Variants in DNAJC7 observed in about 807,000 individuals in gnomAD.
The protein encoded by DNAJC7 is DnaJ heat shock protein family (Hsp40) member C7, also known as dnaJ homolog subfamily C member 7.
Under a neutral mutation model 67.4 loss-of-function variants are expected in DNAJC7, and 18 were observed. The observed-to-expected ratio is 0.27, with a 90% CI of 0.18 to 0.40. The LOEUF (loss-of-function observed/expected upper bound fraction) is 0.40. Ranked by LOEUF, DNAJC7 falls within the 10% of genes least tolerant of loss-of-function variation. The pLI is 1.00. For missense variants in DNAJC7, 419 were observed against 613.8 expected (o/e 0.68, Z 3.35); for synonymous variants, 220 against 207.8 (o/e 1.06, Z -0.50).
intron 7 of DNAJC7, 35 bp from the exon 8 acceptor site, chr17:41,988,931 T>A (rs1362703169): frequency 6.2e-7 from 1 of 1,609,926 alleles, no homozygotes; most frequent in African/African-American, 1.3e-5. Context: ...TCGGTTCATA[T>A]CCACAAAGCC....
In DNAJC7 at chr17:41,996,218, G is replaced by T. The variant is rs1175665910; in HGVS notation, c.405+93C>A. On this transcript the variant is annotated intron_variant, in intron 4 of 13. Transcript: ENST00000457167. The stretch of plus-strand genomic sequence containing the variant: ...TCACCCAGGTGTGCTGATGGCAGAA[G>T]TGAGACTAGACCTCAGTTCCGACTT... 14 of 1,250,348 alleles carry T rather than the reference G, an allele frequency of 1.1e-5. No homozygotes were observed. The African/African-American group carries it at 2.1e-4, about 19-fold the overall frequency. 77.5% of individuals were successfully genotyped at this position (1,250,348 alleles called of 1,614,324 possible). A position where few individuals can be genotyped will look rare whatever the true frequency, so the allele number is the denominator to read the frequency against.
chr17:42,008,294 A>T (rs532983292), intron 1 of DNAJC7, among the ~76,000 whole-genome samples: 138 of 150,420 alleles, frequency 9.2e-4, no homozygotes, highest in African/African-American at 3.2e-3. Flanking sequence ...CCTGGGCAAG[A>T]GTGAGACTCC....
intron 1 of DNAJC7, chr17:42,011,759 TAGA>T (rs1383372982): frequency 6.6e-6 from 1 of 152,152 alleles, no homozygotes; most frequent in Non-Finnish European, 1.5e-5. Context: ...AGAGGAAGAT[TAGA>T]AGGACACATT....
chr17:41,983,972 T>A (rs1169592819), intron 9 of DNAJC7, among the ~76,000 whole-genome samples: 1 of 152,210 alleles, frequency 6.6e-6, no homozygotes, highest in South Asian at 2.1e-4. Flanking sequence ...ATCTACTTGA[T>A]TACTTTGGGT....
At chr17:41,997,580 G>C (rs2051695485) in intron 2 of DNAJC7, among the ~76,000 whole-genome samples, 1 of 152,182 alleles carries the variant, frequency 6.6e-6, no homozygotes, top group South Asian at 2.1e-4. Flanking sequence ...CTGGGCGACA[G>C]AGGAAGACCC....
At position 42,017,347 on chromosome 17, in the gene DNAJC7, C is replaced by G. The variant is rs782295893; in HGVS notation, c.70G>C (p.Ala24Pro). ...TEPELLDDQE[A>P]KREAETFKEQ... Reference sequence around the variant, plus strand: ...ACCCTGCTACCCGGTTACCTCTTCGCCTCTTGGTCGTCGAGCAGCTCCGGC... The same window carrying G: ...ACCCTGCTACCCGGTTACCTCTTCGGCTCTTGGTCGTCGAGCAGCTCCGGC... Residue 24 changes from alanine (A) to proline (P), a missense_variant, in exon 1 of 14, where the codon GCG (alanine) becomes CCG (proline). Physicochemically the swap from Ala to Pro is conservative, Grantham distance 27. Coordinates refer to ENST00000457167, the MANE Select transcript of DNAJC7 (RefSeq NM_003315.4). 6.2e-7 allele frequency: 1 copy of G among 1,611,862 alleles called. No homozygotes were observed. Among genetic ancestry groups the G allele is most frequent in the South Asian group, 1.1e-5 (1 of 91,092 alleles).
chr17:42,017,292 G>A (rs1555652099), intron 1 of DNAJC7, 48 bp downstream of exon 1: 4 of 1,608,596 alleles, frequency 2.5e-6, no homozygotes, highest in East Asian at 2.2e-5. Context: ...GTTTCCCTGA[G>A]CCACGGAGCT....
At chr17:41,978,698 AAAAAAT>A (rs1233369647) in intron 12 of DNAJC7, among the ~76,000 whole-genome samples, 2 of 152,086 alleles carry the variant, frequency 1.3e-5, no homozygotes, top group East Asian at 1.9e-4. Context: ...TCTCTACTAA[AAAAAAT>A]AAAAATAAAA....
At chr17:42,009,159 C>T (rs1555650765) in intron 1 of DNAJC7, among the ~76,000 whole-genome samples, 2 of 152,218 alleles carry the variant, frequency 1.3e-5, no homozygotes, top group African/African-American at 4.8e-5. Flanking sequence ...CAATTTCCTA[C>T]AGAATAGATA....
intron 1 of DNAJC7, chr17:42,016,937 C>A: frequency 1.8e-6 from 2 of 1,142,084 alleles, no homozygotes; most frequent in Non-Finnish European, 2.2e-6. Context: ...GTTTTGGAGA[C>A]GGAAAGTGCA....
chr17:42,002,145 G>A (rs943069428), intron 1 of DNAJC7, among the ~76,000 whole-genome samples: 4 of 152,310 alleles, frequency 2.6e-5, no homozygotes, highest in Admixed American at 2.0e-4. Context: ...TATCCTTTAA[G>A]AGCAGACATG....
chr17:41,999,299 T>C (rs2051743951), intron 2 of DNAJC7, among the ~76,000 whole-genome samples: 1 of 151,634 alleles, frequency 6.6e-6, no homozygotes, highest in South Asian at 2.1e-4. Flanking sequence ...CAGGCTGAAA[T>C]GAAATGTGCA....
At chr17:42,008,436 G>A (rs1399465413) in intron 1 of DNAJC7, among the ~76,000 whole-genome samples, 1 of 150,112 alleles carries the variant, frequency 6.7e-6, no homozygotes, top group East Asian at 2.0e-4. Flanking sequence ...TTGAGACGGA[G>A]TCTCGCTCTG....
At chr17:42,003,473 CCTGGAAGT>C (rs1830840467) in intron 1 of DNAJC7, 1 of 152,108 alleles carries the variant, frequency 6.6e-6, no homozygotes, top group South Asian at 2.1e-4. Flanking sequence ...CAAGTCCTGC[CCTGGAAGT>C]CTGAGAAAGG....
At chr17:41,979,684 C>T (rs1398181624) in intron 12 of DNAJC7, among the ~76,000 whole-genome samples, 7 of 83,158 alleles carry the variant, frequency 8.4e-5, no homozygotes, top group Non-Finnish European at 7.9e-5. Context: ...AAAAAAAGGC[C>T]GGGCGCGGTG....
intron 12 of DNAJC7, among the ~76,000 whole-genome samples, chr17:41,979,088 C>T (rs1037627141): frequency 6.6e-6 from 1 of 152,176 alleles, no homozygotes; most frequent in Non-Finnish European, 1.5e-5. Context: ...CCTGTCATCC[C>T]AACACTTTGG....
chr17:42,010,328 A>C (rs1461762850), intron 1 of DNAJC7, among the ~76,000 whole-genome samples: 1 of 151,172 alleles, frequency 6.6e-6, no homozygotes, highest in Non-Finnish European at 1.5e-5. Context: ...TACAAAAAAA[A>C]AAAAAAATAC....
chr17:41,979,774 A>G (rs1397453012), intron 12 of DNAJC7, among the ~76,000 whole-genome samples: 1 of 151,470 alleles, frequency 6.6e-6, no homozygotes, highest in Non-Finnish European at 1.5e-5. Context: ...CAGCCTGGCC[A>G]ATATGGTAAA....
intron 13 of DNAJC7, 148 bp from the exon 14 acceptor site, chr17:41,976,918 G>C (rs550340336): frequency 2.2e-6 from 2 of 925,396 alleles, no homozygotes; most frequent in East Asian, 2.6e-5. Context: ...GGCTGTTTTT[G>C]GGTGCAAGAG....
Sources: gnomAD v4.1 joint callset for allele counts (sites outside exome capture counted in the v4.1 genomes callset) on GRCh38, gnomAD v4.1.1 for gene constraint, MANE v1.5 for transcripts, NCBI Gene and HGNC (gene_info 2026-07-23, HGNC 2026-07-21) for gene names.